KLHL29: variants seen among roughly 807,000 people sequenced by gnomAD.
The protein encoded by KLHL29 is kelch like family member 29.
KLHL29 carries 21 observed loss-of-function variants against 80.4 expected under a neutral mutation model. The ratio of observed to expected loss-of-function variants is 0.26; its 90% CI spans 0.19 to 0.38. The LOEUF (loss-of-function observed/expected upper bound fraction) is 0.38, where lower values mean the gene tolerates loss of function less well. Ranked by LOEUF, KLHL29 falls within the 10% of genes least tolerant of loss-of-function variation. KLHL29 has a pLI of 1.00. For missense variants in KLHL29, 867 were observed against 1,223.9 expected (o/e 0.71, Z 4.35); for synonymous variants, 511 against 526.8 (o/e 0.97, Z 0.41).
chr2:23,547,533 G>A (rs1667007927), intron 2 of KLHL29, among the ~76,000 whole-genome samples: 1 of 152,064 alleles, frequency 6.6e-6, no homozygotes. Flanking sequence ...ACAGCCCTTG[G>A]TACGGTAGCC....
intron 3 of KLHL29, among the ~76,000 whole-genome samples, chr2:23,619,505 G>A (rs1350119450): frequency 1.3e-5 from 2 of 152,172 alleles, no homozygotes; most frequent in Non-Finnish European, 2.9e-5. Flanking sequence ...CACTGACACT[G>A]ATGTGAGGAA....
intron 1 of KLHL29, among the ~76,000 whole-genome samples, chr2:23,391,449 C>A (rs771815157): frequency 6.6e-6 from 1 of 152,022 alleles, no homozygotes; most frequent in African/African-American, 2.4e-5. Flanking sequence ...TGTTTTGAGA[C>A]GGGGTTTTGA....
rs566127486 is a variant in KLHL29, at chr2:23,565,036, T to G, written c.285+2555T>G. On this transcript the variant is annotated intron_variant, in intron 3 of 13. Transcript: ENST00000486442. ...GTAAAATGGGAAGAGGTCGTTGTAC[T>G]TGCGAGCAGAGTTGTTGTGAGGACT... Among the ~76,000 whole-genome samples the G allele has an allele frequency of 2.0e-5, 3 of 152,322 alleles. No individual in the cohort carries two copies. In the South Asian group the frequency reaches 6.2e-4, roughly 32 times the overall value.
At chr2:23,501,688 A>C (rs377288433) in intron 2 of KLHL29, among the ~76,000 whole-genome samples, 1 of 152,188 alleles carries the variant, frequency 6.6e-6, no homozygotes, top group East Asian at 1.9e-4. Flanking sequence ...TCATTAATCT[A>C]GATTTTGTTA....
At chr2:23,438,384 G>T (rs1287474169) in intron 1 of KLHL29, among the ~76,000 whole-genome samples, 1 of 141,804 alleles carries the variant, frequency 7.1e-6, no homozygotes, top group African/African-American at 2.7e-5. Flanking sequence ...TCCCTGTCTT[G>T]TGCCAGTTTT....
At chr2:23,650,044 G>A (rs59654499) in intron 5 of KLHL29, among the ~76,000 whole-genome samples, 13,910 of 152,232 alleles carry the variant, frequency 0.091, 714 homozygotes, top group East Asian at 0.15. Flanking sequence ...TCCTGAGCCA[G>A]GCAAAAGAAA....
At chr2:23,412,654 G>A (rs1666893308) in intron 1 of KLHL29, among the ~76,000 whole-genome samples, 1 of 152,182 alleles carries the variant, frequency 6.6e-6, no homozygotes, top group Non-Finnish European at 1.5e-5. Flanking sequence ...CTGTGGACAA[G>A]AAGCATCTTG....
At chr2:23,420,489 TCTTCATCTCA>T (rs1662769204) in intron 1 of KLHL29, among the ~76,000 whole-genome samples, 1 of 152,094 alleles carries the variant, frequency 6.6e-6, no homozygotes, top group South Asian at 2.1e-4. Flanking sequence ...CCTCCATGCG[TCTTCATCTCA>T]GGGCCCTGCT....
chr2:23,614,863 G>A (rs1299694257), intron 3 of KLHL29, among the ~76,000 whole-genome samples: 1 of 152,214 alleles, frequency 6.6e-6, no homozygotes, highest in African/African-American at 2.4e-5. Flanking sequence ...ATCCGGTGGT[G>A]GGAAGATGTG....
In KLHL29 at chr2:23,515,626, C is replaced by A. The variant is rs553877209; in HGVS notation, c.-46+39959C>A. On this transcript the variant is annotated intron_variant, in intron 2 of 13. Transcript: ENST00000486442. ...AATACTGTGTTATCTGTCTGACCATCCCCCATGCCCAGCACAATTCCTGGC... is the reference window on the plus strand; with the variant it reads ...AATACTGTGTTATCTGTCTGACCATACCCCATGCCCAGCACAATTCCTGGC... Among the ~76,000 whole-genome samples the A allele has an allele frequency of 5.3e-5, 8 of 152,334 alleles. No individual in the cohort carries two copies. In the South Asian group the frequency reaches 1.7e-3, roughly 32 times the overall value.
chr2:23,531,414 C>T (rs1666486629), intron 2 of KLHL29, among the ~76,000 whole-genome samples: 1 of 152,170 alleles, frequency 6.6e-6, no homozygotes, highest in African/African-American at 2.4e-5. Context: ...CATCCCCCAC[C>T]CACCCACTAC....
chr2:23,485,690 A>G (rs1664917425), intron 2 of KLHL29, among the ~76,000 whole-genome samples: 1 of 152,224 alleles, frequency 6.6e-6, no homozygotes, highest in African/African-American at 2.4e-5. Context: ...AGCAAGCAGC[A>G]GAAAGTAAAT....
At position 23,706,918 on chromosome 2, in the gene KLHL29, G is replaced by A. The variant is rs1160725498; in HGVS notation, c.*254G>A. The A allele has an allele frequency of 2.5e-6, 1 of 398,292 alleles. No individual in the cohort carries two copies. The highest frequency in any genetic ancestry group is 4.5e-6 in the Non-Finnish European group (1 of 224,654). 24.7% of individuals were successfully genotyped at this position (398,292 alleles called of 1,614,324 possible). ...GGCTGGCTGCCTCCTGAACAGGGGC[G>A]CTCGCTCTGCCAGGTGCAATAGAGT... On this transcript the variant is annotated 3_prime_UTR_variant, in exon 14 of 14. Transcript: ENST00000486442.
chr2:23,523,497 A>G (rs929835260), intron 2 of KLHL29, among the ~76,000 whole-genome samples: 6 of 152,200 alleles, frequency 3.9e-5, no homozygotes, highest in African/African-American at 1.4e-4. Context: ...CCCCCCGCCA[A>G]AATCCCTTTC....
At chr2:23,496,450 T>G (rs1665267384) in intron 2 of KLHL29, among the ~76,000 whole-genome samples, 1 of 152,060 alleles carries the variant, frequency 6.6e-6, no homozygotes, top group South Asian at 2.1e-4. Context: ...TGGAAAGGGG[T>G]ATGCAGAAAG....
At chr2:23,679,003 T>C (rs1345987516) in intron 5 of KLHL29, among the ~76,000 whole-genome samples, 2 of 151,112 alleles carry the variant, frequency 1.3e-5, no homozygotes, top group African/African-American at 4.9e-5. Context: ...TGAATATACT[T>C]AACACAACTG....
At chr2:23,567,137 G>T (rs1369661481) in intron 3 of KLHL29, among the ~76,000 whole-genome samples, 1 of 152,200 alleles carries the variant, frequency 6.6e-6, no homozygotes, top group Non-Finnish European at 1.5e-5. Context: ...GGGCCTGAAG[G>T]GAAGCCCCAG....
chr2:23,435,888 T>C (rs970268349), intron 1 of KLHL29, among the ~76,000 whole-genome samples: 1 of 149,528 alleles, frequency 6.7e-6, no homozygotes, highest in South Asian at 2.1e-4. Context: ...TCTTTCTTTC[T>C]CTCTCTCTCT....
intron 3 of KLHL29, among the ~76,000 whole-genome samples, chr2:23,573,752 G>T (rs1667775021): frequency 6.6e-6 from 1 of 152,212 alleles, no homozygotes; most frequent in South Asian, 2.1e-4. Flanking sequence ...TTCCTTAACA[G>T]CCAGGTGGGG....
Sources: allele counts gnomAD v4.1 joint callset (sites outside exome capture counted in the v4.1 genomes callset), GRCh38; gene constraint gnomAD v4.1.1; transcripts MANE v1.5; gene names NCBI Gene and HGNC (gene_info 2026-07-23, HGNC 2026-07-21).